GPHN: variants seen among roughly 807,000 people sequenced by gnomAD.
The protein encoded by GPHN is gephyrin.
A neutral mutation model predicts 95.5 loss-of-function variants in GPHN; 17 were observed. The observed-to-expected ratio is 0.18, with a 90% CI of 0.12 to 0.27. GPHN has a LOEUF of 0.27. Ranked by LOEUF, GPHN falls within the 10% of genes least tolerant of loss-of-function variation. The probability of loss-of-function intolerance (pLI) is 1.00; values close to 1 mark genes in which losing one functional copy is unlikely to be tolerated. For missense variants in GPHN, 660 were observed against 978.1 expected (o/e 0.67, Z 4.34); for synonymous variants, 320 against 322.5 (o/e 0.99, Z 0.08).
the GPHN span, chr14:67,541,841 C>T: frequency 6.4e-7 from 1 of 1,568,268 alleles, no homozygotes; most frequent in Middle Eastern, 1.7e-4. Flanking sequence ...TAGGGCTCCC[C>T]AGAATAATCC....
At chr14:67,702,064 G>A in the GPHN span, 1 of 152,084 alleles carries the variant, frequency 6.6e-6, no homozygotes, top group Non-Finnish European at 1.5e-5. Context: ...TGATCCACCT[G>A]CCTTGGCCTC....
At chr14:67,361,676 G>A in the GPHN span, among the ~76,000 whole-genome samples, 2 of 152,144 alleles carry the variant, frequency 1.3e-5, no homozygotes, top group Non-Finnish European at 2.9e-5. Flanking sequence ...GACTATGCAG[G>A]GTATTTGAAA....
intron 2 of GPHN, among the ~76,000 whole-genome samples, chr14:66,705,089 T>G (rs752509024): frequency 6.6e-6 from 1 of 152,096 alleles, no homozygotes; most frequent in Non-Finnish European, 1.5e-5. Flanking sequence ...TTCCTGGACA[T>G]GTACACCCTC....
the GPHN span, among the ~76,000 whole-genome samples, chr14:67,463,568 G>A: frequency 2.7e-5 from 4 of 150,496 alleles, no homozygotes; most frequent in Non-Finnish European, 5.9e-5. Context: ...GAACCTGGGA[G>A]GCGGAGGTTG....
chr14:66,789,338 G>A (rs1397250194), intron 3 of GPHN, among the ~76,000 whole-genome samples: 1 of 152,084 alleles, frequency 6.6e-6, no homozygotes, highest in Non-Finnish European at 1.5e-5. Context: ...TGTTTCTTCA[G>A]TAGTCTCAAT....
intron 9 of GPHN, among the ~76,000 whole-genome samples, chr14:67,005,318 AG>A (rs1382712913): frequency 6.6e-6 from 1 of 151,894 alleles, no homozygotes; most frequent in Non-Finnish European, 1.5e-5. Flanking sequence ...ATTTTTTAAT[AG>A]TATTCTTTCA....
At chr14:66,934,099 A>T (rs2153568317) in intron 8 of GPHN, among the ~76,000 whole-genome samples, 1 of 147,860 alleles carries the variant, frequency 6.8e-6, no homozygotes, top group East Asian at 2.0e-4. Flanking sequence ...TGATCATACT[A>T]CTGCACTTCA....
intron 11 of GPHN, chr14:67,059,025 A>G: frequency 1.8e-6 from 1 of 568,484 alleles, no homozygotes; most frequent in East Asian, 2.9e-5. Flanking sequence ...AAAAAAAAAA[A>G]AAAAGGAAGA....
At chr14:67,331,480 C>T in the GPHN span, among the ~76,000 whole-genome samples, 4 of 151,962 alleles carry the variant, frequency 2.6e-5, no homozygotes, top group Non-Finnish European at 5.9e-5. Context: ...TATCTAGTTG[C>T]ATTCTGAATC....
At chr14:66,852,379 ATGTGTG>A (rs113038595) in intron 4 of GPHN, among the ~76,000 whole-genome samples, 5 of 152,258 alleles carry the variant, frequency 3.3e-5, no homozygotes, top group Middle Eastern at 3.4e-3. Flanking sequence ...AGGGAAAAAA[ATGTGTG>A]TGTGTGCGTG....
the GPHN span, chr14:67,729,432 C>A: frequency 6.5e-7 from 1 of 1,545,328 alleles, no homozygotes; most frequent in South Asian, 1.1e-5. Flanking sequence ...TGGGAGGTGC[C>A]GGACTCGCTG....
the GPHN span, chr14:67,393,068 A>G: frequency 2.7e-6 from 3 of 1,111,540 alleles, no homozygotes; most frequent in Admixed American, 5.1e-5. Context: ...ACCTCAATAC[A>G]GGGCGGTCAA....
At chr14:66,782,859 CAAAA>C (rs2059654521) in intron 3 of GPHN, among the ~76,000 whole-genome samples, 2 of 151,690 alleles carry the variant, frequency 1.3e-5, no homozygotes, top group South Asian at 2.1e-4. Context: ...ACAAAAAAAC[CAAAA>C]GAAAGAAAGA....
chr14:66,781,818 A>G (rs1409885101), intron 3 of GPHN, among the ~76,000 whole-genome samples: 1 of 152,188 alleles, frequency 6.6e-6, no homozygotes, highest in Admixed American at 6.5e-5. Flanking sequence ...GATTATGAAA[A>G]GTGATGCTAT....
chr14:66,559,153 C>G (rs2060126630), intron 1 of GPHN, among the ~76,000 whole-genome samples: 2 of 152,100 alleles, frequency 1.3e-5, no homozygotes, highest in Admixed American at 6.5e-5. Flanking sequence ...GGACATTTGG[C>G]TTGGTTCCAA....
chr14:66,831,244 A>C (rs1272431038), intron 4 of GPHN, among the ~76,000 whole-genome samples: 2 of 152,146 alleles, frequency 1.3e-5, no homozygotes, highest in Non-Finnish European at 2.9e-5. Flanking sequence ...TTTTGATAGA[A>C]AATTTGATTT....
chr14:66,517,161 T>C (rs149826057), intron 1 of GPHN, among the ~76,000 whole-genome samples: 1,789 of 142,628 alleles, frequency 0.013, 19 homozygotes, highest in Middle Eastern at 0.018. Context: ...AAGAAGAAAC[T>C]GAATAGAGTA....
chr14:67,354,321 T>C, the GPHN span, among the ~76,000 whole-genome samples: 21 of 152,038 alleles, frequency 1.4e-4, no homozygotes, highest in African/African-American at 5.1e-4. Context: ...TAAATACTTA[T>C]TTGATTTGTA....
chr14:67,621,449 G>A, the GPHN span, among the ~76,000 whole-genome samples: 6 of 151,094 alleles, frequency 4.0e-5, no homozygotes, highest in African/African-American at 1.5e-4. Flanking sequence ...TATATTTTCC[G>A]TGTTCTTTTT....
Sources: gnomAD v4.1 joint callset for allele counts (sites outside exome capture counted in the v4.1 genomes callset) on GRCh38, gnomAD v4.1.1 for gene constraint, MANE v1.5 for transcripts, NCBI Gene and HGNC (gene_info 2026-07-23, HGNC 2026-07-21) for gene names.